Variants in ERC2 observed in about 807,000 individuals in gnomAD.
ERC2 encodes ERC protein 2.
In ERC2, 42 loss-of-function variants were observed where a neutral mutation model predicts 114.8. The ratio of observed to expected loss-of-function variants is 0.37; its 90% CI spans 0.29 to 0.47. ERC2 has a LOEUF of 0.47. ERC2 is among the 20% of genes least tolerant of loss of function. The pLI, the probability that ERC2 is intolerant of heterozygous loss-of-function variation, is 0.99. For missense variants in ERC2, 939 were observed against 1,150.7 expected, an observed-to-expected ratio of 0.82 and a Z score of 2.66; for synonymous variants, 454 against 425.5, an observed-to-expected ratio of 1.07 and a Z score of -0.82.
chr3:56,086,025 T>TGAGA (rs1052759671), intron 6 of ERC2, among the ~76,000 whole-genome samples: 1 of 152,114 alleles, frequency 6.6e-6, no homozygotes, highest in Non-Finnish European at 1.5e-5. Flanking sequence ...TCTGTAATCA[T>TGAGA]GAGAGAGAGA....
intron 17 of ERC2, among the ~76,000 whole-genome samples, chr3:55,538,746 G>A (rs111456976): frequency 4.6e-5 from 7 of 152,080 alleles, no homozygotes; most frequent in African/African-American, 1.2e-4. Context: ...ATATAATCCC[G>A]GAATAACCGA....
chr3:55,980,629 C>T (rs2070049470), intron 12 of ERC2, among the ~76,000 whole-genome samples: 1 of 152,020 alleles, frequency 6.6e-6, no homozygotes. Context: ...CCCTTCTCAG[C>T]ATTTACAGAA....
chr3:55,536,627 T>G (rs905882407), intron 17 of ERC2, among the ~76,000 whole-genome samples: 2 of 152,238 alleles, frequency 1.3e-5, no homozygotes, highest in Non-Finnish European at 2.9e-5. Flanking sequence ...ACATAAAAAT[T>G]GAAACTTATT....
intron 3 of ERC2, among the ~76,000 whole-genome samples, chr3:56,278,764 T>C (rs570942473): frequency 6.6e-6 from 1 of 152,172 alleles, no homozygotes; most frequent in Admixed American, 6.5e-5. Flanking sequence ...AGCGTGCAGA[T>C]CACATGGTGA....
rs757939256 is a variant in ERC2 at position 56,434,355 on chromosome 3, T to C, written c.653A>G (p.Asn218Ser). 3 of 1,612,838 alleles carry C rather than the reference T, an allele frequency of 1.9e-6. No individual in the cohort carries two copies. The South Asian group carries it at 3.3e-5, about 18-fold the overall frequency. The change falls in exon 2 of 18, where the codon AAT becomes AGT. Residue 218 changes from asparagine (N) to serine (S), a missense_variant. Physicochemically the swap from Asn to Ser is conservative, Grantham distance 46. Transcript: ENST00000288221. ...CTGAGATGAGTCATGACCTACCTGATTTTCTTCATGGGAAACCCTCATCTG... is the reference window on the plus strand; with the variant it reads ...CTGAGATGAGTCATGACCTACCTGACTTTCTTCATGGGAAACCCTCATCTG... ...KEQMRVSHEE[N>S]QHLQLTIQAL...
At chr3:56,095,266 T>C (rs1312529023) in intron 6 of ERC2, among the ~76,000 whole-genome samples, 1 of 151,910 alleles carries the variant, frequency 6.6e-6, no homozygotes, top group Non-Finnish European at 1.5e-5. Flanking sequence ...TATGAAAAAA[T>C]TTTAAAAAGA....
intron 14 of ERC2, among the ~76,000 whole-genome samples, chr3:55,872,159 C>A (rs2062615619): frequency 6.6e-6 from 1 of 152,054 alleles, no homozygotes; most frequent in Non-Finnish European, 1.5e-5. Context: ...CAGTAATTTA[C>A]CCAAGCCCAT....
intron 3 of ERC2, among the ~76,000 whole-genome samples, chr3:56,285,010 CTCACACACACACACACACACAT>C (rs2054588113): frequency 1.1e-5 from 1 of 89,648 alleles, no homozygotes; most frequent in Non-Finnish European, 2.5e-5. Context: ...CTCTCTCTCT[CTCACACACACACACACACACAT>C]ACACACACAC....
intron 3 of ERC2, among the ~76,000 whole-genome samples, chr3:56,227,412 C>CT (rs796088195): frequency 0.031 from 4,273 of 136,084 alleles, 66 homozygotes; most frequent in Middle Eastern, 0.059. Flanking sequence ...CCTCTCTGCT[C>CT]TTTTTTTTTT....
intron 10 of ERC2, among the ~76,000 whole-genome samples, chr3:56,004,224 C>T (rs1183348873): frequency 6.6e-6 from 1 of 152,070 alleles, no homozygotes; most frequent in Non-Finnish European, 1.5e-5. Flanking sequence ...ACCTCAAATA[C>T]TCTTTTGAAA....
chr3:56,071,861 C>A (rs2076756492), intron 7 of ERC2, among the ~76,000 whole-genome samples: 1 of 152,186 alleles, frequency 6.6e-6, no homozygotes, highest in Non-Finnish European at 1.5e-5. Context: ...AGACATGAAG[C>A]ACACACAAAG....
chr3:56,317,409 G>A (rs2056917067), intron 2 of ERC2, among the ~76,000 whole-genome samples: 1 of 152,114 alleles, frequency 6.6e-6, no homozygotes, highest in Non-Finnish European at 1.5e-5. Context: ...CATCAATAAA[G>A]GATCCAGAAG....
chr3:56,416,600 C>T (rs1469797805), intron 2 of ERC2, among the ~76,000 whole-genome samples: 1 of 151,524 alleles, frequency 6.6e-6, no homozygotes, highest in East Asian at 1.9e-4. Flanking sequence ...ACCAAACCCA[C>T]CTCCCTACTC....
intron 17 of ERC2, among the ~76,000 whole-genome samples, chr3:55,550,573 G>A (rs1020224280): frequency 3.9e-5 from 6 of 152,170 alleles, no homozygotes; most frequent in Non-Finnish European, 5.9e-5. Flanking sequence ...AACAATGGAT[G>A]TTATGAATTG....
intron 17 of ERC2, among the ~76,000 whole-genome samples, chr3:55,570,947 G>A (rs1187324923): frequency 6.6e-6 from 1 of 151,932 alleles, no homozygotes; most frequent in African/African-American, 2.4e-5. Context: ...CCAACATGGG[G>A]AAACCCTGTC....
chr3:55,763,397 T>C (rs367559640), intron 14 of ERC2, among the ~76,000 whole-genome samples: 16 of 152,332 alleles, frequency 1.1e-4, no homozygotes, highest in East Asian at 3.9e-4. Flanking sequence ...AATGGCCATC[T>C]TGAGTGAGAC....
intron 3 of ERC2, among the ~76,000 whole-genome samples, chr3:56,257,042 A>G (rs1204856985): frequency 1.3e-5 from 2 of 152,168 alleles, no homozygotes; most frequent in East Asian, 3.9e-4. Context: ...CAGCTTCCAT[A>G]TCTTTTAAAT....
chr3:55,520,714 C>T (rs1056457545), intron 17 of ERC2, among the ~76,000 whole-genome samples: 3 of 152,160 alleles, frequency 2.0e-5, no homozygotes, highest in African/African-American at 4.8e-5. Context: ...GTGCTCCAAA[C>T]GTAAGCTCCA....
chr3:55,596,818 A>G (rs1250250222), intron 17 of ERC2, among the ~76,000 whole-genome samples: 2 of 152,226 alleles, frequency 1.3e-5, no homozygotes, highest in Non-Finnish European at 2.9e-5. Flanking sequence ...TACAATTAAA[A>G]GTATATCCTA....
Sources: gnomAD v4.1 joint callset for allele counts (sites outside exome capture counted in the v4.1 genomes callset) on GRCh38, gnomAD v4.1.1 for gene constraint, MANE v1.5 for transcripts, NCBI Gene and HGNC (gene_info 2026-07-23, HGNC 2026-07-21) for gene names.